FRMD4A: variants seen among roughly 807,000 people sequenced by gnomAD.
FRMD4A encodes the protein FERM domain-containing protein 4A.
FRMD4A carries 29 observed loss-of-function variants against 129.1 expected under a neutral mutation model. The ratio of observed to expected loss-of-function variants is 0.22; its 90% CI spans 0.17 to 0.31. The LOEUF (loss-of-function observed/expected upper bound fraction) is 0.31. Among genes scored for constraint, FRMD4A ranks in the 10% least tolerant of loss-of-function variants. FRMD4A has a pLI of 1.00. For synonymous variants in FRMD4A, 634 were observed against 571.6 expected (o/e 1.11, Z -1.56); for missense variants, 1,272 against 1,375.8 (o/e 0.92, Z 1.19).
At chr10:14,099,354 C>A (rs780490408) in intron 2 of FRMD4A, among the ~76,000 whole-genome samples, 4 of 152,076 alleles carry the variant, frequency 2.6e-5, no homozygotes, top group Non-Finnish European at 4.4e-5. Flanking sequence ...AAAAAAAAAT[C>A]AGAAAACTTC....
chr10:14,216,548 G>A (rs1843081763), intron 2 of FRMD4A, among the ~76,000 whole-genome samples: 2 of 152,110 alleles, frequency 1.3e-5, no homozygotes, highest in South Asian at 4.1e-4. Context: ...AAGTAGAAGA[G>A]ATTTGATTTT....
At chr10:13,820,691 T>A (rs1354825419) in intron 3 of FRMD4A, among the ~76,000 whole-genome samples, 1 of 152,226 alleles carries the variant, frequency 6.6e-6, no homozygotes, top group Admixed American at 6.5e-5. Context: ...AATCCCTTTG[T>A]CACTGCAGAG....
intron 9 of FRMD4A, among the ~76,000 whole-genome samples, chr10:13,741,971 C>T (rs2091030531): frequency 6.6e-6 from 1 of 152,182 alleles, no homozygotes; most frequent in South Asian, 2.1e-4. Context: ...ATTCTTGTGC[C>T]TCAGCCTCCT....
chr10:14,024,615 A>G (rs555386545), intron 2 of FRMD4A, among the ~76,000 whole-genome samples: 93 of 152,368 alleles, frequency 6.1e-4, no homozygotes, highest in African/African-American at 2.2e-3. Context: ...GTACAAGGAT[A>G]TTTTGAAAAA....
At chr10:13,672,746 G>A (rs909379348) in intron 16 of FRMD4A, among the ~76,000 whole-genome samples, 8 of 152,108 alleles carry the variant, frequency 5.3e-5, no homozygotes. Context: ...CTCCCCAGGG[G>A]TCAAGCAGCG....
rs12354543 is a variant in FRMD4A, at chr10:14,212,386, C to A, written c.45+117672G>T. On this transcript the variant is annotated intron_variant, in intron 2 of 24. Transcript: ENST00000357447. ...CTAAATGACCTCCACCCCACCCCCA[C>A]CTTGTCAGAGGACAAAGGCGTGGAT... 1.4e-4 allele frequency among the ~76,000 whole-genome samples: 22 copies of A among 152,326 alleles called. No homozygotes were observed. In the South Asian group the frequency reaches 4.6e-3, roughly 32 times the overall value.
At chr10:13,873,642 G>T (rs1228400248) in intron 2 of FRMD4A, among the ~76,000 whole-genome samples, 1 of 152,128 alleles carries the variant, frequency 6.6e-6, no homozygotes, top group Admixed American at 6.6e-5. Context: ...TGTCTCCCAG[G>T]TTCAAGTGAT....
intron 12 of FRMD4A, among the ~76,000 whole-genome samples, chr10:13,733,496 C>T (rs1441410449): frequency 6.6e-6 from 1 of 152,100 alleles, no homozygotes; most frequent in African/African-American, 2.4e-5. Context: ...AATCTCAGCG[C>T]ACTGCAACCT....
At chr10:13,973,280 T>G (rs1276287081) in intron 2 of FRMD4A, among the ~76,000 whole-genome samples, 1 of 152,208 alleles carries the variant, frequency 6.6e-6, no homozygotes, top group Non-Finnish European at 1.5e-5. Context: ...TGTGGTTCTC[T>G]AAATTATGTT....
chr10:13,744,424 C>T (rs1448010849), intron 9 of FRMD4A: 1 of 152,204 alleles, frequency 6.6e-6, no homozygotes, highest in Non-Finnish European at 1.5e-5. Flanking sequence ...AGGCTTCTTG[C>T]ACCATAACTC....
intron 2 of FRMD4A, among the ~76,000 whole-genome samples, chr10:13,915,010 C>T (rs938427764): frequency 1.3e-5 from 2 of 152,082 alleles, no homozygotes; most frequent in East Asian, 3.9e-4. Context: ...TGGGACCTGG[C>T]CTCGAAAACA....
At chr10:14,009,696 G>C (rs2095674406) in intron 2 of FRMD4A, among the ~76,000 whole-genome samples, 1 of 152,210 alleles carries the variant, frequency 6.6e-6, no homozygotes, top group African/African-American at 2.4e-5. Context: ...CACACATCAC[G>C]AGTCAGTTAA....
chr10:14,102,087 G>A (rs1447692047), intron 2 of FRMD4A, among the ~76,000 whole-genome samples: 1 of 152,302 alleles, frequency 6.6e-6, no homozygotes, highest in East Asian at 1.9e-4. Flanking sequence ...GGATGCAAAG[G>A]AGCTCAGAAA....
At chr10:13,962,428 T>C (rs2095451860) in intron 2 of FRMD4A, among the ~76,000 whole-genome samples, 1 of 152,264 alleles carries the variant, frequency 6.6e-6, no homozygotes, top group African/African-American at 2.4e-5. Context: ...GTTTTTTTAG[T>C]GTCAAAACTT....
At chr10:13,790,759 G>T (rs2092981847) in intron 5 of FRMD4A, among the ~76,000 whole-genome samples, 1 of 152,082 alleles carries the variant, frequency 6.6e-6, no homozygotes, top group Admixed American at 6.5e-5. Context: ...GGCCTGTGGG[G>T]AGGGGGTGAC....
chr10:14,158,755 GGAAGAGGATGAGGAA>G (rs1491001331), intron 2 of FRMD4A, among the ~76,000 whole-genome samples: 1 of 150,382 alleles, frequency 6.6e-6, no homozygotes, highest in African/African-American at 2.5e-5. Context: ...AGGAGGAGGT[GGAAGAGGATGAGGAA>G]GAAGAGGAAG....
chr10:14,084,408 A>C (rs1836130047), intron 2 of FRMD4A, among the ~76,000 whole-genome samples: 1 of 152,186 alleles, frequency 6.6e-6, no homozygotes, highest in Admixed American at 6.5e-5. Flanking sequence ...TGGCCCCCCA[A>C]AGTGCTGGGA....
intron 17 of FRMD4A, chr10:13,667,940 A>G (rs574890381): frequency 6.6e-6 from 1 of 152,350 alleles, no homozygotes; most frequent in South Asian, 2.1e-4. Context: ...TTTGATGGGA[A>G]CTGATCTAGC....
At chr10:14,193,531 A>G (rs1280886593) in intron 2 of FRMD4A, among the ~76,000 whole-genome samples, 1 of 151,416 alleles carries the variant, frequency 6.6e-6, no homozygotes, top group African/African-American at 2.4e-5. Context: ...ATGTAAAAAC[A>G]GAGGGATGAA....
Sources: allele counts gnomAD v4.1 joint callset (sites outside exome capture counted in the v4.1 genomes callset), GRCh38; gene constraint gnomAD v4.1.1; transcripts MANE v1.5; gene names NCBI Gene and HGNC (gene_info 2026-07-23, HGNC 2026-07-21).